Variants in DENND1C observed in about 807,000 individuals in gnomAD.
The protein encoded by DENND1C is DENN domain-containing protein 1C.
A neutral mutation model predicts 87.9 loss-of-function variants in DENND1C; 64 were observed. That is an observed-to-expected ratio of 0.73 (90% CI 0.60 to 0.90). The LOEUF (loss-of-function observed/expected upper bound fraction) is 0.90. Among genes scored for constraint, DENND1C ranks in the 40% least tolerant of loss-of-function variants. The pLI, the probability that DENND1C is intolerant of heterozygous loss-of-function variation, is 0.00. For missense variants in DENND1C, 980 were observed against 1,037.0 expected (o/e 0.95, Z 0.76); for synonymous variants, 384 against 424.4 (o/e 0.90, Z 1.17).
Position 6,477,056 on chromosome 19 carries a change from A to T in DENND1C, c.567+18T>A. 1 of 1,610,610 alleles carries T rather than the reference A, an allele frequency of 6.2e-7. No individual in the cohort carries two copies. Among genetic ancestry groups the T allele is most frequent in the Non-Finnish European group, 8.5e-7 (1 of 1,178,384 alleles). ...TTTCGGGACCTGTTCTCACCCCCAG[A>T]GACCCCTCCCCACTCACGTTCTCAG... On this transcript the variant is annotated intron_variant, in intron 9 of 22. Transcript: ENST00000381480.
intron 1 of DENND1C, 178 bp downstream of exon 1, chr19:6,481,501 G>A (rs1372601897): frequency 5.1e-6 from 4 of 784,102 alleles, no homozygotes; most frequent in East Asian, 5.9e-5. Flanking sequence ...GGGACCGAGA[G>A]TGGCCTGTCC....
intron 15 of DENND1C, among the ~76,000 whole-genome samples, chr19:6,472,221 TCA>T (rs2092833637): frequency 7.4e-6 from 1 of 135,264 alleles, no homozygotes; most frequent in South Asian, 2.7e-4. Flanking sequence ...TCCTGGGATT[TCA>T]CAGTCAGGAC....
At position 6,470,303 on chromosome 19, in the gene DENND1C, A is replaced by G; in HGVS notation, c.1354T>C (p.Tyr452His). Residue 452 changes from tyrosine (Y) to histidine (H), a missense_variant, in exon 18 of 23, where the codon TAC becomes CAC. By Grantham distance (83) the Tyr-to-His change is moderately conservative (BLOSUM62 2). Coordinates refer to ENST00000381480, the MANE Select transcript of DENND1C (RefSeq NM_024898.4). ...AKTQPAVKNM[Y>H]RSAKSGLKGV... ...GTCCAGCTCAGCCTCACCGAGCGGT[A>G]CATGTTCTTGACGGCTGGTTGGGTC... 6.2e-7 allele frequency: 1 copy of G among 1,610,398 alleles called. No homozygotes were observed. Among genetic ancestry groups the G allele is most frequent in the East Asian group, 2.2e-5 (1 of 44,750 alleles).
At chr19:6,472,548 G>A (rs950931338) in intron 15 of DENND1C, among the ~76,000 whole-genome samples, 3 of 152,138 alleles carry the variant, frequency 2.0e-5, no homozygotes, top group South Asian at 2.1e-4. Flanking sequence ...ACGCCACCAC[G>A]CCCAGCTAAT....
chr19:6,479,143 GAGTGTATGGGTCTCT>G, intron 4 of DENND1C, 87 bp from the exon 5 acceptor site: 2 of 1,540,900 alleles, frequency 1.3e-6, no homozygotes, highest in Non-Finnish European at 1.8e-6. Context: ...CTAGGACCCT[GAGTGTATGGGTCTCT>G]AGTTGTCAGG....
chr19:6,481,153 C>T (rs1037705543), intron 1 of DENND1C, among the ~76,000 whole-genome samples: 2 of 151,418 alleles, frequency 1.3e-5, no homozygotes, highest in African/African-American at 4.9e-5. Context: ...TCCTCCTCTG[C>T]CCCCATATCA....
chr19:6,470,855 T>C (rs1222154954), intron 17 of DENND1C, among the ~76,000 whole-genome samples: 1 of 151,916 alleles, frequency 6.6e-6, no homozygotes, highest in Non-Finnish European at 1.5e-5. Flanking sequence ...CTCCTGACCT[T>C]GTGATCCGCC....
In DENND1C at chr19:6,475,768, CG is replaced by C. The variant is rs2092855976; in HGVS notation, c.780-18del. 1.3e-6 allele frequency: 2 copies of C among 1,545,868 alleles called. No homozygotes were observed. The highest frequency in any genetic ancestry group is 1.2e-5 in the South Asian group (1 of 83,946). On this transcript the variant is annotated intron_variant, in intron 11 of 22. Coordinates refer to ENST00000381480, the MANE Select transcript of DENND1C (RefSeq NM_024898.4). The stretch of plus-strand genomic sequence containing the variant: ...ATGGGCGCGCTGCGGACCGAGGGGA[CG>C]GGGTCATGCAGGCACCGCCCCCAGG...
At chr19:6,479,171 C>A in intron 4 of DENND1C, 115 bp from the exon 5 acceptor site, 1 of 1,421,522 alleles carries the variant, frequency 7.0e-7, no homozygotes, top group African/African-American at 1.4e-5. Flanking sequence ...TTGTCAGGAT[C>A]CCTGAATGTC....
rs752424559 is a variant in DENND1C at position 6,475,473 on chromosome 19, G to T, written c.927+11C>A. 2.9e-5 allele frequency: 46 copies of T among 1,613,698 alleles called. 2 individuals carry two copies. In the South Asian group the frequency reaches 4.6e-4, roughly 16 times the overall value. ...CTCCCGGGGCAGGAAGGTGGGAGGG[G>T]CGACACTGACCACGTCTGGAGGCAG... is the stretch of plus-strand genomic sequence containing the variant. On this transcript the variant is annotated intron_variant, in intron 13 of 22. Coordinates refer to ENST00000381480, the MANE Select transcript of DENND1C (RefSeq NM_024898.4).
chr19:6,475,442 C>T (rs373492788), intron 13 of DENND1C, 42 bp downstream of exon 13: 27 of 1,613,286 alleles, frequency 1.7e-5, no homozygotes, highest in Non-Finnish European at 2.3e-5. Context: ...GGTGTGGGCC[C>T]CTCGCCTCCC....
Position 6,470,324 on chromosome 19 carries a change from G to A in DENND1C, c.1333C>T (p.Gln445Ter). The change falls in exon 18 of 23, where the codon CAA becomes TAA. Residue 445 changes from glutamine to a stop codon, truncating the protein, a stop_gained. Coordinates refer to ENST00000381480, the MANE Select transcript of DENND1C (RefSeq NM_024898.4). LOFTEE classifies it high-confidence loss of function. ...CGGTACATGTTCTTGACGGCTGGTT[G>A]GGTCTTGGCCTTGACTGAGTGCAGG... is the stretch of plus-strand genomic sequence containing the variant. ...ALLHSVKAKT[Q>*]PAVKNMYRSA... 1 of 1,612,346 alleles carries A rather than the reference G, an allele frequency of 6.2e-7. No individual in the cohort carries two copies.
rs147098919 is a variant in DENND1C at position 6,469,737 on chromosome 19, C to T, written c.1363-97G>A. On this transcript the variant is annotated intron_variant, in intron 18 of 22. Coordinates refer to ENST00000381480, the MANE Select transcript of DENND1C (RefSeq NM_024898.4). ...CCCCTAAGATAGCTTTTTTTTTTGC[C>T]ATCTGCATGTCTCAAATACGTTCAC... 24 of 1,314,592 alleles carry T rather than the reference C, an allele frequency of 1.8e-5. No homozygotes were observed. The African/African-American group carries it at 2.9e-4, about 16-fold the overall frequency. 81.4% of individuals were successfully genotyped at this position (1,314,592 alleles called of 1,614,324 possible).
At chr19:6,478,907 A>T (rs772724924) in intron 5 of DENND1C, 30 bp downstream of exon 5, 2 of 1,613,164 alleles carry the variant, frequency 1.2e-6, no homozygotes, top group Non-Finnish European at 1.7e-6. Flanking sequence ...GGCCTTTCCC[A>T]TCCCCCCCTC....
chr19:6,477,021 C>T (rs374379397), intron 9 of DENND1C, 53 bp downstream of exon 9: 1 of 1,613,292 alleles, frequency 6.2e-7, no homozygotes, highest in African/African-American at 1.3e-5. Context: ...TCTTGCATCC[C>T]CGGTCCGGGT....
intron 22 of DENND1C, 44 bp from the exon 23 acceptor site, chr19:6,468,162 G>C: frequency 6.2e-7 from 1 of 1,610,496 alleles, no homozygotes; most frequent in Non-Finnish European, 8.5e-7. Flanking sequence ...AGATGGCAGA[G>C]GGGCTGGCAA....
rs1165884379 is a variant in DENND1C at position 6,481,681 on chromosome 19, A to G, written c.15T>C (p.Ala5=). Reference sequence around the variant, plus strand: ...ATGAGGGATGGGGTGGCTCTTACTCAGCTCTGGATTCCATGGTCCCTGCAG... The same window carrying G: ...ATGAGGGATGGGGTGGCTCTTACTCGGCTCTGGATTCCATGGTCCCTGCAG... MESR[A]EGGSPAVFDW... is the part of the protein sequence containing the mutation. The change falls in exon 1 of 23, where the codon GCT becomes GCC. Residue 5 remains alanine, a splice_region_variant and synonymous_variant. Transcript: ENST00000381480. 1.2e-6 allele frequency: 2 copies of G among 1,606,302 alleles called. No homozygotes were observed. Among genetic ancestry groups the G allele is most frequent in the African/African-American group, 1.3e-5 (1 of 74,440 alleles).
At chr19:6,472,293 G>T (rs1323116811) in intron 15 of DENND1C, among the ~76,000 whole-genome samples, 1 of 151,282 alleles carries the variant, frequency 6.6e-6, no homozygotes, top group Non-Finnish European at 1.5e-5. Context: ...CACCTGCTTA[G>T]GGACCTGCGA....
chr19:6,479,690 C>T lies in DENND1C; in HGVS notation c.155G>A (p.Cys52Tyr). ...QEAMQMVPKF[C>Y]FPFDVEREPP... ...GTACCTTTCCACATCAAAAGGGAAG[C>T]AGAATTTAGGCACCATCTGCATAGC... Residue 52 changes from cysteine (C) to tyrosine (Y), a missense_variant, in exon 4 of 23, where the codon TGC (cysteine) becomes TAC (tyrosine). Transcript: ENST00000381480. 1 of 1,613,902 alleles carries T rather than the reference C, an allele frequency of 6.2e-7. No individual in the cohort carries two copies. Among genetic ancestry groups the T allele is most frequent in the South Asian group, 1.1e-5 (1 of 91,082 alleles).
Sources: gnomAD v4.1 joint callset for allele counts (sites outside exome capture counted in the v4.1 genomes callset) on GRCh38, gnomAD v4.1.1 for gene constraint, MANE v1.5 for transcripts, NCBI Gene and HGNC (gene_info 2026-07-23, HGNC 2026-07-21) for gene names.